Variants in ALPK2 observed in about 807,000 individuals in gnomAD.
ALPK2 encodes the protein alpha kinase 2, also known as alpha-protein kinase 2.
ALPK2 carries 127 observed loss-of-function variants against 163.1 expected under a neutral mutation model. The observed-to-expected ratio is 0.78, with a 90% CI of 0.67 to 0.90. The LOEUF (loss-of-function observed/expected upper bound fraction) is 0.90, where lower values mean the gene tolerates loss of function less well. ALPK2 is among the 40% of genes least tolerant of loss of function. ALPK2 has a pLI of 0.00. For missense variants in ALPK2, 2,360 were observed against 2,589.6 expected, an observed-to-expected ratio of 0.91 and a Z score of 1.92; for synonymous variants, 953 against 959.1, an observed-to-expected ratio of 0.99 and a Z score of 0.12.
chr18:58,547,748 T>C (rs1413489683), intron 4 of ALPK2, among the ~76,000 whole-genome samples: 3 of 152,228 alleles, frequency 2.0e-5, no homozygotes, highest in Non-Finnish European at 4.4e-5. Flanking sequence ...TCAGACCCCC[T>C]TGGGCCTATG....
chr18:58,585,597 C>T lies in ALPK2; in HGVS notation c.228-5049G>A, dbSNP rs74549943. Among the ~76,000 whole-genome samples the T allele has an allele frequency of 4.0e-5, 6 of 151,056 alleles. No homozygotes were observed. In the South Asian group the frequency reaches 8.4e-4, roughly 21 times the overall value. ...TGAAAATATTCTTATTTGATATATA[C>T]GAAGATTAGTTACAATGTGGAATCT... On this transcript the variant is annotated intron_variant, in intron 3 of 12. Transcript: ENST00000361673.
chr18:58,542,115 C>T (rs925745982), intron 4 of ALPK2, among the ~76,000 whole-genome samples: 3 of 152,176 alleles, frequency 2.0e-5, no homozygotes, highest in Admixed American at 6.5e-5. Context: ...GTAAGCCCAA[C>T]ATAGTGTGTG....
intron 2 of ALPK2, among the ~76,000 whole-genome samples, chr18:58,610,430 C>A (rs746578869): frequency 6.6e-6 from 1 of 151,998 alleles, no homozygotes; most frequent in Non-Finnish European, 1.5e-5. Flanking sequence ...ACTTCCCTAC[C>A]CAATTGTTTT....
intron 12 of ALPK2, among the ~76,000 whole-genome samples, chr18:58,489,392 C>T (rs1406478098): frequency 1.3e-5 from 2 of 152,158 alleles, no homozygotes; most frequent in Non-Finnish European, 1.5e-5. Flanking sequence ...TATCTGATAT[C>T]TCTCCTAGGC....
intron 4 of ALPK2, among the ~76,000 whole-genome samples, chr18:58,559,761 G>A (rs778764680): frequency 6.6e-6 from 1 of 152,130 alleles, no homozygotes; most frequent in Admixed American, 6.5e-5. Flanking sequence ...CTAAGCCAAA[G>A]ACAACTGGAA....
chr18:58,572,525 T>C (rs549623000), intron 4 of ALPK2, among the ~76,000 whole-genome samples: 106 of 152,232 alleles, frequency 7.0e-4, no homozygotes, highest in Middle Eastern at 3.4e-3. Flanking sequence ...GCGAACTGCG[T>C]GGAATACTAC....
rs554072772 is a variant in ALPK2, at chr18:58,615,269, A to G, written c.-20-3452T>C. Among the ~76,000 whole-genome samples the G allele has an allele frequency of 2.4e-4, 37 of 151,984 alleles. 2 individuals are homozygous for G. The South Asian group carries it at 7.7e-3, about 32-fold the overall frequency. On this transcript the variant is annotated intron_variant, in intron 1 of 12. Coordinates refer to ENST00000361673, the MANE Select transcript of ALPK2 (RefSeq NM_052947.4). ...GTTGAGACAGAGGGATGACTACCCCACTCTTCATATTCCTAGGGAAGTTAC... is the reference window on the plus strand; with the variant it reads ...GTTGAGACAGAGGGATGACTACCCCGCTCTTCATATTCCTAGGGAAGTTAC...
At chr18:58,543,757 G>A (rs1360144860) in intron 4 of ALPK2, among the ~76,000 whole-genome samples, 3 of 152,178 alleles carry the variant, frequency 2.0e-5, no homozygotes, top group Non-Finnish European at 4.4e-5. Flanking sequence ...ATTAAAAACC[G>A]ACACATGAGG....
In ALPK2 at chr18:58,538,352, C is replaced by T. The variant is rs533613038; in HGVS notation, c.1963-128G>A. On this transcript the variant is annotated intron_variant, in intron 4 of 12. Coordinates refer to ENST00000361673, the MANE Select transcript of ALPK2 (RefSeq NM_052947.4). ...TGGACAAGAATGATTGAAATCTAAA[C>T]ATTAATCCCCCAACTCCCTCTAGCT... The T allele has an allele frequency of 5.6e-6, 5 of 890,458 alleles. No homozygotes were observed. The South Asian group carries it at 9.0e-5, about 16-fold the overall frequency. The allele number at this position is 890,458 out of a possible 1,614,324, so 55.2% of individuals were successfully genotyped here.
intron 4 of ALPK2, among the ~76,000 whole-genome samples, chr18:58,573,262 GTGTATATATA>G (rs1568089336): frequency 2.3e-5 from 3 of 132,596 alleles, no homozygotes; most frequent in Non-Finnish European, 4.9e-5. Flanking sequence ...ATGTATATAT[GTGTATATATA>G]TGTATATATG....
In ALPK2 at chr18:58,591,925, G is replaced by A. The variant is rs534933030; in HGVS notation, c.228-11377C>T. ...ATCAGGAGATATGGTCACCTGCCAA[G>A]AGGTGGCTGAGCCCAGATCGTGGAA... is the stretch of plus-strand genomic sequence containing the variant. On this transcript the variant is annotated intron_variant, in intron 3 of 12. Coordinates refer to ENST00000361673, the MANE Select transcript of ALPK2 (RefSeq NM_052947.4). Among the ~76,000 whole-genome samples the A allele has an allele frequency of 4.6e-5, 7 of 152,328 alleles. No homozygotes were observed. In the South Asian group the frequency reaches 8.3e-4, roughly 18 times the overall value.
intron 6 of ALPK2, among the ~76,000 whole-genome samples, chr18:58,528,428 C>G (rs779557094): frequency 2.0e-5 from 3 of 151,898 alleles, no homozygotes; most frequent in Admixed American, 6.6e-5. Context: ...CCTAGGTACT[C>G]GGGAGGCTGA....
rs374669294 is a variant in ALPK2, at chr18:58,611,785, C to A, written c.13G>T (p.Glu5Ter). 1 of 1,591,556 alleles carries A rather than the reference C, an allele frequency of 6.3e-7. No individual in the cohort carries two copies. The highest frequency in any genetic ancestry group is 8.5e-7 in the Non-Finnish European group (1 of 1,171,678). The change falls in exon 2 of 13, where the codon GAA becomes TAA. Residue 5 changes from glutamate to a stop codon, truncating the protein, a stop_gained. Transcript: ENST00000361673. LOFTEE classifies it high-confidence loss of function. MKDS[E>*]GPQRPPLCFL... ...CACAGCGGGGGCCTCTGGGGCCCTT[C>A]GGAGTCTTTCATCCTTTCATGCCGC...
intron 5 of ALPK2, among the ~76,000 whole-genome samples, chr18:58,531,533 C>T (rs1240297059): frequency 6.6e-6 from 1 of 150,758 alleles, no homozygotes; most frequent in African/African-American, 2.4e-5. Flanking sequence ...ATTGCTGTTG[C>T]TTACACTGAG....
intron 1 of ALPK2, among the ~76,000 whole-genome samples, chr18:58,626,155 C>T (rs2052229540): frequency 6.6e-6 from 1 of 152,228 alleles, no homozygotes; most frequent in African/African-American, 2.4e-5. Flanking sequence ...TCCAATGGGC[C>T]TGGGAAAGAG....
intron 4 of ALPK2, among the ~76,000 whole-genome samples, chr18:58,555,728 C>G (rs1355083158): frequency 2.0e-5 from 3 of 152,180 alleles, no homozygotes; most frequent in Non-Finnish European, 4.4e-5. Context: ...AGTGGAGATG[C>G]TGGTGGCCCA....
In ALPK2 at chr18:58,536,601, C is replaced by T; in HGVS notation, c.3586G>A (p.Val1196Met). The stretch of plus-strand genomic sequence containing the variant: ...TCTTCTTCCCCAGCAGTTTCAGCCA[C>T]CACGGAGACCCTCGTCCCCCAACCT... ...RSGWGTRVSVVAETAGEEDSQ... is the reference protein window; with the variant it reads ...RSGWGTRVSVMAETAGEEDSQ... Residue 1196 changes from valine to methionine, a missense_variant, in exon 5 of 13, where the codon GTG becomes ATG. Val to Met is a conservative substitution (Grantham distance 21, BLOSUM62 1). Coordinates refer to ENST00000361673, the MANE Select transcript of ALPK2 (RefSeq NM_052947.4). 6.2e-7 allele frequency: 1 copy of T among 1,614,158 alleles called. No homozygotes were observed. Among genetic ancestry groups the T allele is most frequent in the South Asian group, 1.1e-5 (1 of 91,070 alleles).
chr18:58,589,256 C>G (rs1320919800), intron 3 of ALPK2, among the ~76,000 whole-genome samples: 1 of 152,148 alleles, frequency 6.6e-6, no homozygotes, highest in Non-Finnish European at 1.5e-5. Flanking sequence ...GGAAAGAAGA[C>G]CTATGTCTGG....
At chr18:58,613,422 T>C (rs1216737674) in intron 1 of ALPK2, among the ~76,000 whole-genome samples, 2 of 152,150 alleles carry the variant, frequency 1.3e-5, no homozygotes, top group Admixed American at 6.5e-5. Context: ...TGGCCCGGCA[T>C]GGTGGCTCAC....
Sources: allele counts gnomAD v4.1 joint callset (sites outside exome capture counted in the v4.1 genomes callset), GRCh38; gene constraint gnomAD v4.1.1; transcripts MANE v1.5; gene names NCBI Gene and HGNC (gene_info 2026-07-23, HGNC 2026-07-21).